LRRTM4: variants seen among roughly 807,000 people sequenced by gnomAD.
The protein encoded by LRRTM4 is leucine-rich repeat transmembrane neuronal protein 4.
In LRRTM4, 25 loss-of-function variants were observed where a neutral mutation model predicts 47.6. That is an observed-to-expected ratio of 0.53 (90% CI 0.38 to 0.73). LRRTM4 has a LOEUF of 0.73. Ranked by LOEUF, LRRTM4 falls within the 30% of genes least tolerant of loss-of-function variation. LRRTM4 has a pLI of 0.00. For missense variants in LRRTM4, 638 were observed against 713.4 expected (o/e 0.89, Z 1.20); for synonymous variants, 311 against 269.5 (o/e 1.15, Z -1.51).
chr2:77,050,746 A>G (rs967666612), intron 3 of LRRTM4, among the ~76,000 whole-genome samples: 12 of 152,012 alleles, frequency 7.9e-5, no homozygotes, highest in Non-Finnish European at 1.8e-4. Context: ...ACCTCTCCAA[A>G]CCACTCTTTC....
intron 3 of LRRTM4, among the ~76,000 whole-genome samples, chr2:76,903,954 G>A (rs948321378): frequency 2.6e-5 from 4 of 152,170 alleles, no homozygotes; most frequent in African/African-American, 4.8e-5. Context: ...TCAAATGAAT[G>A]AGCATCAAGT....
chr2:77,034,588 T>C (rs1678773035), intron 3 of LRRTM4, among the ~76,000 whole-genome samples: 1 of 151,924 alleles, frequency 6.6e-6, no homozygotes, highest in South Asian at 2.1e-4. Flanking sequence ...AGTTTGTTGA[T>C]TTCATAATCA....
intron 3 of LRRTM4, among the ~76,000 whole-genome samples, chr2:77,025,392 G>C (rs1678419372): frequency 6.6e-6 from 1 of 152,152 alleles, no homozygotes; most frequent in Non-Finnish European, 1.5e-5. Context: ...TCTTGGAGGA[G>C]GTCTTGGGTA....
chr2:77,247,836 C>T (rs1036433515), intron 3 of LRRTM4, among the ~76,000 whole-genome samples: 3 of 151,642 alleles, frequency 2.0e-5, no homozygotes, highest in Non-Finnish European at 2.9e-5. Context: ...TTTGCAATTG[C>T]ACTTTTATAT....
At chr2:77,233,687 T>A (rs1369432463) in intron 3 of LRRTM4, among the ~76,000 whole-genome samples, 1 of 152,176 alleles carries the variant, frequency 6.6e-6, no homozygotes, top group East Asian at 1.9e-4. Flanking sequence ...CTATTTAAAG[T>A]GTATTTTTGT....
chr2:77,101,902 A>G (rs1670964894), intron 3 of LRRTM4, among the ~76,000 whole-genome samples: 1 of 152,170 alleles, frequency 6.6e-6, no homozygotes, highest in Non-Finnish European at 1.5e-5. Flanking sequence ...GCCTGTCTTT[A>G]CATTAGAACA....
intron 3 of LRRTM4, among the ~76,000 whole-genome samples, chr2:76,925,844 G>T (rs533721702): frequency 2.0e-4 from 30 of 152,196 alleles, no homozygotes; most frequent in African/African-American, 6.7e-4. Flanking sequence ...ATACTCCCAA[G>T]ATTTGGGGAG....
At chr2:77,029,424 A>C (rs932177218) in intron 3 of LRRTM4, among the ~76,000 whole-genome samples, 8 of 152,118 alleles carry the variant, frequency 5.3e-5, no homozygotes, top group Non-Finnish European at 8.8e-5. Flanking sequence ...GTGTAAGTCC[A>C]AGAGTCCAAA....
intron 3 of LRRTM4, among the ~76,000 whole-genome samples, chr2:76,943,365 G>A (rs1028089332): frequency 2.6e-5 from 4 of 152,166 alleles, no homozygotes; most frequent in Non-Finnish European, 5.9e-5. Context: ...GAACCCGGGA[G>A]GCAGAGCTTG....
intron 3 of LRRTM4, among the ~76,000 whole-genome samples, chr2:76,937,011 TATC>T (rs1296698166): frequency 2.9e-5 from 3 of 103,290 alleles, no homozygotes; most frequent in Non-Finnish European, 3.9e-5. Flanking sequence ...TGTGAAAACA[TATC>T]ATCTTATCAG....
At chr2:77,204,958 G>A (rs1343398679) in intron 3 of LRRTM4, among the ~76,000 whole-genome samples, 1 of 152,168 alleles carries the variant, frequency 6.6e-6, no homozygotes, top group Non-Finnish European at 1.5e-5. Flanking sequence ...ATGATCTAAT[G>A]TGGAAGTATT....
At chr2:77,232,549 C>T (rs745613166) in intron 3 of LRRTM4, among the ~76,000 whole-genome samples, 17 of 152,292 alleles carry the variant, frequency 1.1e-4, no homozygotes, top group South Asian at 8.3e-4. Flanking sequence ...CCACAGGCAC[C>T]TAAGTCTGAA....
intron 3 of LRRTM4, among the ~76,000 whole-genome samples, chr2:76,905,825 T>G (rs764814067): frequency 2.9e-4 from 44 of 152,070 alleles, no homozygotes; most frequent in Non-Finnish European, 4.9e-4. Flanking sequence ...GAACAAAGCC[T>G]CCAAGAAATA....
At chr2:76,815,098 C>T (rs971888768) in intron 3 of LRRTM4, among the ~76,000 whole-genome samples, 12 of 151,354 alleles carry the variant, frequency 7.9e-5, no homozygotes, top group African/African-American at 2.9e-4. Flanking sequence ...AAACACAGGA[C>T]AATTGTATCT....
chr2:77,269,340 A>G (rs1363303788), intron 3 of LRRTM4, among the ~76,000 whole-genome samples: 1 of 152,192 alleles, frequency 6.6e-6, no homozygotes, highest in Non-Finnish European at 1.5e-5. Flanking sequence ...ATAAATGTTC[A>G]AGAATGGTGG....
intron 3 of LRRTM4, among the ~76,000 whole-genome samples, chr2:77,287,680 C>A (rs747271997): frequency 1.3e-5 from 2 of 152,088 alleles, no homozygotes; most frequent in African/African-American, 4.8e-5. Context: ...ATATTACCCA[C>A]CTGTTAGTAA....
chr2:77,199,330 G>T (rs1673913302), intron 3 of LRRTM4, among the ~76,000 whole-genome samples: 1 of 151,862 alleles, frequency 6.6e-6, no homozygotes, highest in Admixed American at 6.6e-5. Context: ...AACTATAAAG[G>T]GTCAAGAATT....
rs13420156 is a variant in LRRTM4 at position 76,936,992 on chromosome 2, A to G, written c.1552-188076T>C. ...AAAAAAAAAAAAAAAAAAAGAGCAC[A>G]TAAGTATATGTGAAAACATATCATC... On this transcript the variant is annotated intron_variant, in intron 3 of 3. Transcript: ENST00000409884. 5.6e-3 allele frequency among the ~76,000 whole-genome samples: 820 copies of G among 147,608 alleles called. 10 individuals are homozygous for G. Among genetic ancestry groups the G allele is most frequent in the African/African-American group, 0.018 (722 of 39,696 alleles).
chr2:76,912,165 C>T (rs1033276225), intron 3 of LRRTM4, among the ~76,000 whole-genome samples: 5 of 152,086 alleles, frequency 3.3e-5, no homozygotes, highest in Admixed American at 6.6e-5. Context: ...GTGATCCCCC[C>T]GCCTCGGCCT....
Sources: gnomAD v4.1 joint callset for allele counts (sites outside exome capture counted in the v4.1 genomes callset) on GRCh38, gnomAD v4.1.1 for gene constraint, MANE v1.5 for transcripts, NCBI Gene and HGNC (gene_info 2026-07-23, HGNC 2026-07-21) for gene names.